PNPLA7: variants seen among roughly 807,000 people sequenced by gnomAD.
PNPLA7 encodes the protein patatin like domain 7, lysophospholipase.
A neutral mutation model predicts 161.7 loss-of-function variants in PNPLA7; 153 were observed. That is an observed-to-expected ratio of 0.95 (90% CI 0.83 to 1.08). PNPLA7 has a LOEUF of 1.08. PNPLA7 is among the 50% of genes least tolerant of loss of function. The probability of loss-of-function intolerance (pLI) is 0.00; values close to 1 mark genes in which losing one functional copy is unlikely to be tolerated. For missense variants in PNPLA7, 1,739 were observed against 1,856.6 expected (o/e 0.94, Z 1.16); for synonymous variants, 809 against 782.1 (o/e 1.03, Z -0.57).
At chr9:137,469,834 A>G (rs1036991597) in intron 25 of PNPLA7, among the ~76,000 whole-genome samples, 1 of 152,216 alleles carries the variant, frequency 6.6e-6, no homozygotes, top group African/African-American at 2.4e-5. Flanking sequence ...TCAATGATGA[A>G]CAGGAAAGAA....
chr9:137,534,886 G>A (rs821306), intron 8 of PNPLA7, among the ~76,000 whole-genome samples: 2 of 139,070 alleles, frequency 1.4e-5, no homozygotes, highest in East Asian at 2.0e-4. Context: ...CAAACACCAG[G>A]ACCAAGTCCC....
chr9:137,548,781 A>G (rs1041820784), intron 1 of PNPLA7, among the ~76,000 whole-genome samples: 3 of 152,194 alleles, frequency 2.0e-5, no homozygotes, highest in African/African-American at 7.2e-5. Flanking sequence ...TCAGAAGAGC[A>G]CTCAGAAACG....
chr9:137,545,119 G>A (rs1353406209), intron 4 of PNPLA7, among the ~76,000 whole-genome samples: 2 of 152,076 alleles, frequency 1.3e-5, no homozygotes, highest in Non-Finnish European at 1.5e-5. Flanking sequence ...GGAGGCCTCC[G>A]ACAGCCCAAT....
intron 18 of PNPLA7, 73 bp downstream of exon 18, chr9:137,497,114 C>T (rs1035670666): frequency 4.4e-6 from 6 of 1,374,626 alleles, no homozygotes; most frequent in Non-Finnish European, 5.7e-6. Flanking sequence ...CCAGGCCACA[C>T]CCAGGCCAGA....
intron 16 of PNPLA7, among the ~76,000 whole-genome samples, chr9:137,498,701 T>G (rs1833205617): frequency 6.6e-6 from 1 of 151,850 alleles, no homozygotes; most frequent in Non-Finnish European, 1.5e-5. Flanking sequence ...GGAGGGTGGC[T>G]GGGGCCTCTG....
chr9:137,542,617 C>A, intron 7 of PNPLA7, 25 bp downstream of exon 7: 1 of 1,557,678 alleles, frequency 6.4e-7, no homozygotes, highest in African/African-American at 1.4e-5. Flanking sequence ...GCCGCCTGAC[C>A]CCGCCCCGCC....
At chr9:137,522,225 C>A (rs921610073) in intron 9 of PNPLA7, among the ~76,000 whole-genome samples, 9 of 152,222 alleles carry the variant, frequency 5.9e-5, no homozygotes, top group African/African-American at 2.2e-4. Flanking sequence ...CAGGCGCCCG[C>A]CACCACGCCT....
chr9:137,488,833 G>A (rs1832627374), intron 20 of PNPLA7, among the ~76,000 whole-genome samples: 1 of 147,166 alleles, frequency 6.8e-6, no homozygotes, highest in Admixed American at 7.0e-5. Flanking sequence ...CCCTCCAACT[G>A]TGCACCCCCT....
At chr9:137,533,442 C>A (rs1333931488) in intron 8 of PNPLA7, among the ~76,000 whole-genome samples, 1 of 148,626 alleles carries the variant, frequency 6.7e-6, no homozygotes, top group African/African-American at 2.5e-5. Flanking sequence ...GTGTCCACTC[C>A]AGGCGGGAGG....
At chr9:137,494,865 ACCTGCT>A (rs1267227106) in intron 19 of PNPLA7, among the ~76,000 whole-genome samples, 162 bp downstream of exon 19, 1 of 135,874 alleles carries the variant, frequency 7.4e-6, no homozygotes, top group Non-Finnish European at 1.6e-5. Flanking sequence ...CCCTGCCCTC[ACCTGCT>A]CCGTGACCTC....
chr9:137,509,111 ATGAGTTTAATTGGCATGAG>A (rs1293540314), intron 12 of PNPLA7: 2 of 154,446 alleles, frequency 1.3e-5, no homozygotes, highest in Admixed American at 6.5e-5. Flanking sequence ...GCTGGTACGA[ATGAGTTTAATTGGCATGAG>A]TGAGTTTAGC....
rs771729306 is a variant in PNPLA7, at chr9:137,540,616, G to A, written c.747+26C>T. The A allele has an allele frequency of 1.1e-5, 18 of 1,596,534 alleles. No individual in the cohort carries two copies. The highest frequency in any genetic ancestry group is 5.6e-5 in the South Asian group (5 of 89,336). On this transcript the variant is annotated intron_variant, in intron 8 of 34. Coordinates refer to ENST00000406427, the MANE Select transcript of PNPLA7 (RefSeq NM_001098537.3). This position sits in a 1 kb window ranked among gnomAD's most constrained non-coding sequence, Gnocchi z 5.1. ...CTCCGGGGCCAACCCAGGGGCGCCC[G>A]GAGGGCCAGGCAGCGGGGGACTCAC...
rs1834481197 is a variant in PNPLA7, at chr9:137,515,455, C to T, written c.1149G>A (p.Ala383=). Residue 383 remains alanine (A), a synonymous_variant, in exon 12 of 35, where the codon GCG becomes GCA. Coordinates refer to ENST00000406427, the MANE Select transcript of PNPLA7 (RefSeq NM_001098537.3). Reference sequence around the variant, plus strand: ...CCAAGATCTGTTTGCGAATGGAAGGCGCGGGGACGGAGTGGCTCCTCTTCA... The same window carrying T: ...CCAAGATCTGTTTGCGAATGGAAGGTGCGGGGACGGAGTGGCTCCTCTTCA... ...PLLKRSHSVP[A]PSIRKQILEE... The T allele has an allele frequency of 1.9e-6, 3 of 1,593,464 alleles. No individual in the cohort carries two copies. The highest frequency in any genetic ancestry group is 2.6e-6 in the Non-Finnish European group (3 of 1,171,362).
intron 23 of PNPLA7, 181 bp from the exon 24 acceptor site, chr9:137,479,419 T>A: frequency 2.3e-6 from 3 of 1,303,088 alleles, no homozygotes; most frequent in Non-Finnish European, 2.9e-6. Flanking sequence ...ACGGCAGGGG[T>A]CCATCCGTCC....
intron 23 of PNPLA7, 32 bp downstream of exon 23, chr9:137,480,280 T>C: frequency 1.3e-6 from 2 of 1,598,740 alleles, no homozygotes; most frequent in Non-Finnish European, 1.7e-6. Flanking sequence ...GAGAGGGCTC[T>C]CCCCAGCTCC....
chr9:137,536,247 C>T (rs566106932), intron 8 of PNPLA7, among the ~76,000 whole-genome samples: 1 of 152,060 alleles, frequency 6.6e-6, no homozygotes, highest in Non-Finnish European at 1.5e-5. Context: ...CAAACATACA[C>T]CTCCCTGGCA....
Position 137,523,099 on chromosome 9 carries a change from C to T in PNPLA7, c.748-242G>A, listed in dbSNP as rs1311559180. Among the ~76,000 whole-genome samples, 2 of 152,154 alleles carry T rather than the reference C, an allele frequency of 1.3e-5. No individual in the cohort carries two copies. The highest frequency in any genetic ancestry group is 6.5e-5 in the Admixed American group (1 of 15,280). ...GATGAAATGTGGGTGAGGGGAGGCC[C>T]GCAGGCAGCCACCCCACCAGACCTG... is the stretch of plus-strand genomic sequence containing the variant. On this transcript the variant is annotated intron_variant, in intron 8 of 34. Transcript: ENST00000406427. This position sits in a 1 kb window ranked among gnomAD's most constrained non-coding sequence, Gnocchi z 4.4.
intron 25 of PNPLA7, among the ~76,000 whole-genome samples, chr9:137,471,367 A>G (rs1317110989): frequency 3.3e-5 from 5 of 152,130 alleles, no homozygotes; most frequent in Admixed American, 6.5e-5. Flanking sequence ...TTGGGAGGCC[A>G]AGGCGGGCGG....
At position 137,540,632 on chromosome 9, in the gene PNPLA7, G is replaced by C; in HGVS notation, c.747+10C>G. The C allele has an allele frequency of 6.2e-7, 1 of 1,606,934 alleles. No homozygotes were observed. Among genetic ancestry groups the C allele is most frequent in the African/African-American group, 1.3e-5 (1 of 74,928 alleles). ...GGGGCGCCCGGAGGGCCAGGCAGCG[G>C]GGGACTCACGGTGATGATGTCCAGG... On this transcript the variant is annotated intron_variant, in intron 8 of 34. Coordinates refer to ENST00000406427, the MANE Select transcript of PNPLA7 (RefSeq NM_001098537.3). This position sits in a 1 kb window ranked among gnomAD's most constrained non-coding sequence, Gnocchi z 5.1.
Sources: gnomAD v4.1 joint callset for allele counts (sites outside exome capture counted in the v4.1 genomes callset) on GRCh38, gnomAD v4.1.1 for gene constraint, Gnocchi (gnomAD v3.1) non-coding constraint, MANE v1.5 for transcripts, NCBI Gene and HGNC (gene_info 2026-07-23, HGNC 2026-07-21) for gene names.